The following FILIP1L variants were observed in gnomAD, a reference collection of about 807,000 sequenced individuals.
FILIP1L encodes filamin A interacting protein 1 like, also known as filamin A-interacting protein 1-like.
In FILIP1L, 55 loss-of-function variants were observed where a neutral mutation model predicts 96.6. The observed-to-expected ratio is 0.57, with a 90% CI of 0.46 to 0.71. FILIP1L has a LOEUF of 0.71. FILIP1L is among the 30% of genes least tolerant of loss of function. The pLI, the probability that FILIP1L is intolerant of heterozygous loss-of-function variation, is 0.00. For missense variants in FILIP1L, 1,304 were observed against 1,321.2 expected (o/e 0.99, Z 0.20); for synonymous variants, 467 against 473.9 (o/e 0.99, Z 0.19).
intron 1 of FILIP1L, among the ~76,000 whole-genome samples, chr3:100,083,305 A>G (rs1559751727): frequency 6.6e-6 from 1 of 152,232 alleles, no homozygotes; most frequent in Admixed American, 6.5e-5. Flanking sequence ...GTTAATTGCC[A>G]AAGGATTATT....
At chr3:100,050,226 A>T (rs1481581255) in intron 1 of FILIP1L, among the ~76,000 whole-genome samples, 1 of 152,190 alleles carries the variant, frequency 6.6e-6, no homozygotes, top group East Asian at 1.9e-4. Context: ...TCCTTCTTAA[A>T]AATATGACAC....
At chr3:99,941,246 A>T (rs991521442) in intron 1 of FILIP1L, among the ~76,000 whole-genome samples, 1 of 152,152 alleles carries the variant, frequency 6.6e-6, no homozygotes, top group African/African-American at 2.4e-5. Flanking sequence ...CTGATGAAAA[A>T]ACTGAAGTGT....
intron 1 of FILIP1L, among the ~76,000 whole-genome samples, chr3:99,969,377 A>T (rs1473096664): frequency 7.2e-5 from 11 of 152,200 alleles, no homozygotes; most frequent in Non-Finnish European, 1.5e-4. Context: ...AATGAGTAGG[A>T]GGTTGAGCCA....
chr3:99,862,595 A>G (rs3732444), intron 4 of FILIP1L, among the ~76,000 whole-genome samples: 19,049 of 152,188 alleles, frequency 0.13, 1,721 homozygotes, highest in African/African-American at 0.25. Flanking sequence ...CAGGAGCAAC[A>G]CAGTACCTCC....
intron 1 of FILIP1L, among the ~76,000 whole-genome samples, chr3:99,987,051 A>G (rs941925119): frequency 6.6e-6 from 1 of 151,722 alleles, no homozygotes; most frequent in Non-Finnish European, 1.5e-5. Context: ...CAACATAGTG[A>G]CACCCCATCA....
intron 5 of FILIP1L, among the ~76,000 whole-genome samples, chr3:99,847,081 A>C (rs1943397572): frequency 6.6e-6 from 1 of 152,224 alleles, no homozygotes; most frequent in Non-Finnish European, 1.5e-5. Context: ...TAAATGGCAT[A>C]ATAATCACAG....
chr3:99,866,672 G>A (rs1195578750), intron 4 of FILIP1L, among the ~76,000 whole-genome samples: 3 of 152,152 alleles, frequency 2.0e-5, no homozygotes, highest in African/African-American at 7.2e-5. Flanking sequence ...GCTTCCTGCT[G>A]AGTAAACAAT....
chr3:99,866,242 T>C (rs1475769183), intron 4 of FILIP1L, among the ~76,000 whole-genome samples: 1 of 152,144 alleles, frequency 6.6e-6, no homozygotes, highest in Non-Finnish European at 1.5e-5. Flanking sequence ...TCACCACATT[T>C]AATAAAAAGC....
At chr3:100,099,573 C>T (rs995292679) in intron 1 of FILIP1L, among the ~76,000 whole-genome samples, 6 of 152,200 alleles carry the variant, frequency 3.9e-5, no homozygotes, top group Admixed American at 6.5e-5. Flanking sequence ...TTCTGAGCCT[C>T]ATTTCCCTGT....
intron 1 of FILIP1L, among the ~76,000 whole-genome samples, chr3:100,037,502 G>A (rs1226695273): frequency 1.3e-5 from 2 of 152,150 alleles, no homozygotes; most frequent in Middle Eastern, 3.4e-3. Context: ...TAAAGCCAGC[G>A]CAACATATAG....
At chr3:99,858,689 C>A (rs1021431929) in intron 4 of FILIP1L, among the ~76,000 whole-genome samples, 1 of 152,168 alleles carries the variant, frequency 6.6e-6, no homozygotes, top group African/African-American at 2.4e-5. Context: ...AATCATCACA[C>A]GTCATGGAGC....
chr3:100,049,489 T>C (rs2065334044), intron 1 of FILIP1L, among the ~76,000 whole-genome samples: 1 of 152,200 alleles, frequency 6.6e-6, no homozygotes. Flanking sequence ...GATCTATTTA[T>C]ACCTCACTTC....
At chr3:99,967,806 G>A (rs983845479) in intron 1 of FILIP1L, among the ~76,000 whole-genome samples, 4 of 152,178 alleles carry the variant, frequency 2.6e-5, no homozygotes, top group African/African-American at 7.2e-5. Flanking sequence ...TACTCCTTGA[G>A]TGCCTTTTAT....
intron 1 of FILIP1L, among the ~76,000 whole-genome samples, chr3:99,962,776 G>C (rs1015386796): frequency 5.4e-4 from 83 of 152,322 alleles, no homozygotes; most frequent in African/African-American, 1.9e-3. Flanking sequence ...AAAGCTAAGT[G>C]GGAGAGCTAG....
Position 99,838,010 on chromosome 3 carries a change from G to A in FILIP1L, c.3382-7405C>T, listed in dbSNP as rs138939832. 2.8e-4 allele frequency among the ~76,000 whole-genome samples: 42 copies of A among 152,278 alleles called. No individual in the cohort carries two copies. In the East Asian group the frequency reaches 7.9e-3, roughly 29 times the overall value. ...CCGTGAATCATTTTCACTCACTTCT[G>A]ATGCTTTTCTATCCCATCATCTCTG... On this transcript the variant is annotated intron_variant, in intron 5 of 5. Coordinates refer to ENST00000477258, the MANE Select transcript of FILIP1L (RefSeq NM_001387850.1).
intron 1 of FILIP1L, among the ~76,000 whole-genome samples, chr3:100,080,200 T>C (rs1455272526): frequency 6.6e-6 from 1 of 152,110 alleles, no homozygotes; most frequent in Non-Finnish European, 1.5e-5. Context: ...CCCAGGCTGG[T>C]CTCAAACTCC....
chr3:99,904,355 C>T (rs1371108955), intron 4 of FILIP1L, among the ~76,000 whole-genome samples: 1 of 152,120 alleles, frequency 6.6e-6, no homozygotes, highest in Admixed American at 6.5e-5. Context: ...GTATTTGTAA[C>T]CATTTTCAGT....
intron 1 of FILIP1L, among the ~76,000 whole-genome samples, chr3:100,010,986 TTA>T: frequency 1.3e-5 from 2 of 152,036 alleles, no homozygotes; most frequent in Middle Eastern, 6.8e-3. Context: ...TTTAAAACAG[TTA>T]TTTAACAGAA....
intron 4 of FILIP1L, among the ~76,000 whole-genome samples, chr3:99,878,331 G>C (rs1705607307): frequency 6.6e-6 from 1 of 152,212 alleles, no homozygotes; most frequent in South Asian, 2.1e-4. Context: ...AACACATTTT[G>C]ATGTGATATG....
Sources: gnomAD v4.1 joint callset for allele counts (sites outside exome capture counted in the v4.1 genomes callset) on GRCh38, gnomAD v4.1.1 for gene constraint, MANE v1.5 for transcripts, NCBI Gene and HGNC (gene_info 2026-07-23, HGNC 2026-07-21) for gene names.